ATP2B3: variants seen among roughly 807,000 people sequenced by gnomAD.
ATP2B3 encodes the protein ATPase plasma membrane Ca2+ transporting 3, also known as plasma membrane calcium-transporting ATPase 3.
In ATP2B3, 12 loss-of-function variants were observed where a neutral mutation model predicts 70.8. That is an observed-to-expected ratio of 0.17 (90% CI 0.11 to 0.27). The LOEUF (loss-of-function observed/expected upper bound fraction) is 0.27, where lower values mean the gene tolerates loss of function less well. Ranked by LOEUF, ATP2B3 falls within the 10% of genes least tolerant of loss-of-function variation. ATP2B3 has a pLI of 1.00. For missense variants in ATP2B3, 858 were observed against 1,118.5 expected (o/e 0.77, Z 3.32); for synonymous variants, 460 against 497.8 (o/e 0.92, Z 1.01).
intron 3 of ATP2B3, among the ~76,000 whole-genome samples, chrX:153,537,347 AT>A (rs2090207594): frequency 8.8e-6 from 1 of 113,195 alleles, no homozygotes; most frequent in African/African-American, 3.2e-5. Context: ...GTGCGGGCTG[AT>A]TTGATCTGCT....
chrX:153,580,260 C>T lies in ATP2B3; in HGVS notation c.3625C>T (p.Pro1209Ser), dbSNP rs782028460. 1.7e-6 allele frequency: 2 copies of T among 1,207,989 alleles called. No individual in the cohort carries two copies. The highest frequency in any genetic ancestry group is 1.8e-5 in the South Asian group (1 of 56,746). The change falls in exon 22 of 22, where the codon CCC (proline) becomes TCC (serine). Residue 1209 changes from proline to serine, a missense_variant. By Grantham distance (74) the Pro-to-Ser change is moderately conservative. Around this residue, in one of 5 missense-constraint regions of ATP2B3, gnomAD observed 265 missense variants for 305.3 expected, o/e 0.87. Transcript: ENST00000263519. ...TACCTCTTCAGTGTTTTCCTCCAGTCCCGGGAGCCCGCTCCACAGCGTGGA... is the reference window on the plus strand; with the variant it reads ...TACCTCTTCAGTGTTTTCCTCCAGTTCCGGGAGCCCGCTCCACAGCGTGGA... ...SATSSVFSSS[P>S]GSPLHSVETS...
intron 21 of ATP2B3, among the ~76,000 whole-genome samples, chrX:153,576,319 T>C (rs1419706004): frequency 9.1e-6 from 1 of 110,395 alleles, no homozygotes; most frequent in African/African-American, 3.3e-5. Flanking sequence ...GCAATGGAGG[T>C]GAGGAGAGGC....
intron 2 of ATP2B3, among the ~76,000 whole-genome samples, chrX:153,519,548 G>T (rs1445180500): frequency 2.7e-5 from 3 of 112,271 alleles, no homozygotes; most frequent in Non-Finnish European, 3.8e-5. Context: ...CGAGGAGAGG[G>T]CTGGGGATGC....
chrX:153,549,431 G>C, intron 10 of ATP2B3, 66 bp from the exon 11 acceptor site: 1 of 1,200,031 alleles, frequency 8.3e-7, no homozygotes, highest in Non-Finnish European at 1.1e-6. Flanking sequence ...TGTTTGTGTT[G>C]ACATCTCTCA....
At chrX:153,564,671 G>A (rs1274767488) in intron 20 of ATP2B3, among the ~76,000 whole-genome samples, 2 of 112,953 alleles carry the variant, frequency 1.8e-5, no homozygotes, top group African/African-American at 3.2e-5. Flanking sequence ...TCGAAGTCCC[G>A]GAGGCTGGCC....
rs782163973 is a variant in ATP2B3 at position 153,541,428 on chromosome X, A to G, written c.278A>G (p.Lys93Arg). The change falls in exon 4 of 22, where the codon AAG (lysine) becomes AGG (arginine). Residue 93 changes from lysine (K) to arginine (R), a missense_variant. Transcript: ENST00000263519. ...TACGGGCAGAACTTCATCCCCCCAAAGCAACCCAAGACCTTCCTGCAGCTG... is the reference window on the plus strand; with the variant it reads ...TACGGGCAGAACTTCATCCCCCCAAGGCAACCCAAGACCTTCCTGCAGCTG... ...QIYGQNFIPP[K>R]QPKTFLQLVW... 2 of 1,211,826 alleles carry G rather than the reference A, an allele frequency of 1.7e-6. No homozygotes were observed. Among genetic ancestry groups the G allele is most frequent in the Non-Finnish European group, 2.2e-6 (2 of 895,507 alleles).
At chrX:153,541,321 C>G (rs782787120) in intron 3 of ATP2B3, 38 bp from the exon 4 acceptor site, 1 of 1,208,161 alleles carries the variant, frequency 8.3e-7, no homozygotes, top group Non-Finnish European at 1.1e-6. Context: ...CCCGTCCCAT[C>G]CCATCCTCCC....
intron 21 of ATP2B3, among the ~76,000 whole-genome samples, chrX:153,575,612 T>C (rs1557021157): frequency 9.1e-6 from 1 of 109,681 alleles, no homozygotes; most frequent in Non-Finnish European, 1.9e-5. Flanking sequence ...AAGTGCAGGT[T>C]CTGGATGGCG....
At chrX:153,519,938 G>C (rs888185294) in intron 2 of ATP2B3, among the ~76,000 whole-genome samples, 1 of 112,860 alleles carries the variant, frequency 8.9e-6, no homozygotes. Context: ...AGGTGATGGA[G>C]ATGCCCCAAT....
chrX:153,547,078 C>T (rs974525509), intron 8 of ATP2B3, among the ~76,000 whole-genome samples: 5 of 111,701 alleles, frequency 4.5e-5, no homozygotes, highest in Admixed American at 9.4e-5. Flanking sequence ...GGGAGAAAGA[C>T]GAGTCTGCTC....
intron 20 of ATP2B3, among the ~76,000 whole-genome samples, chrX:153,562,922 GCCT>G (rs2090646878): frequency 9.0e-6 from 1 of 111,705 alleles, no homozygotes; most frequent in Admixed American, 9.5e-5. Context: ...GCAGACAGCC[GCCT>G]CCTCACTCTG....
At chrX:153,540,941 T>A (rs2090270032) in intron 3 of ATP2B3, among the ~76,000 whole-genome samples, 1 of 112,483 alleles carries the variant, frequency 8.9e-6, no homozygotes, top group African/African-American at 3.2e-5. Context: ...GCAACCCTTG[T>A]TGACCTGGAC....
Position 153,533,748 on chromosome X carries a change from C to T in ATP2B3, c.-126-2374C>T, listed in dbSNP as rs1279651445. The stretch of plus-strand genomic sequence containing the variant: ...ACTGCCTCCTTGCCCACTGCCCTCC[C>T]CATGAGTCACTGTGGGTCCAGTCAG... On this transcript the variant is annotated intron_variant, in intron 2 of 21. Coordinates refer to ENST00000263519, the MANE Select transcript of ATP2B3 (RefSeq NM_001001344.3). Among the ~76,000 whole-genome samples the T allele has an allele frequency of 2.7e-5, 3 of 111,715 alleles. No individual in the cohort carries two copies. In the East Asian group the frequency reaches 8.5e-4, roughly 32 times the overall value.
chrX:153,541,912 C>T lies in ATP2B3; in HGVS notation c.650C>T (p.Ala217Val). 2 of 1,211,134 alleles carry T rather than the reference C, an allele frequency of 1.7e-6. No homozygotes were observed. The highest frequency in any genetic ancestry group is 1.8e-5 in the South Asian group (1 of 56,970). The change falls in exon 5 of 22, where the codon GCC becomes GTC. Residue 217 changes from alanine to valine, a missense_variant. Around this residue, in one of 5 missense-constraint regions of ATP2B3, gnomAD observed 278 missense variants for 366.2 expected, o/e 0.76. Transcript: ENST00000263519. ...GCTGCGCTGGTGGTGGGGGACATTG[C>T]CCAGGTCAAGTACGGTGAGTGCCCT... is the stretch of plus-strand genomic sequence containing the variant. ...PVAALVVGDI[A>V]QVKYGDLLPA...
chrX:153,527,982 G>A (rs2090060117), intron 2 of ATP2B3, among the ~76,000 whole-genome samples: 1 of 112,725 alleles, frequency 8.9e-6, no homozygotes, highest in African/African-American at 3.2e-5. Flanking sequence ...GTGGGCAGGT[G>A]GAGCCCTGCC....
chrX:153,569,992 TGGTTTTTC>T (rs2090764830), intron 21 of ATP2B3: 13 of 423,268 alleles, frequency 3.1e-5, no homozygotes, highest in Non-Finnish European at 5.2e-5. Flanking sequence ...TTGCTTTGTT[TGGTTTTTC>T]GGTTTGTGTT....
intron 2 of ATP2B3, among the ~76,000 whole-genome samples, chrX:153,524,626 A>T (rs2090004587): frequency 8.9e-6 from 1 of 111,778 alleles, no homozygotes; most frequent in Non-Finnish European, 1.9e-5. Flanking sequence ...CTCTAGTAGC[A>T]AATCGGTTGT....
chrX:153,531,752 G>T (rs1252361509), intron 2 of ATP2B3, among the ~76,000 whole-genome samples: 1 of 112,945 alleles, frequency 8.9e-6, no homozygotes, highest in Admixed American at 9.3e-5. Flanking sequence ...CTTCCTGGCA[G>T]TACATGCCCC....
At chrX:153,571,978 T>C (rs897238222) in intron 21 of ATP2B3, among the ~76,000 whole-genome samples, 2 of 112,531 alleles carry the variant, frequency 1.8e-5, no homozygotes, top group African/African-American at 6.5e-5. Flanking sequence ...ATCATCACAG[T>C]GCAGCGGATT....
Sources: gnomAD v4.1 joint callset for allele counts (sites outside exome capture counted in the v4.1 genomes callset) on GRCh38, gnomAD v4.1.1 for gene constraint, gnomAD v4.1.1 regional missense constraint, MANE v1.5 for transcripts, NCBI Gene and HGNC (gene_info 2026-07-23, HGNC 2026-07-21) for gene names.